Variants in SMS observed in about 807,000 individuals in gnomAD.
The protein encoded by SMS is spermidine aminopropyltransferase.
Under a neutral mutation model 33.0 loss-of-function variants are expected in SMS, and 3 were observed. The ratio of observed to expected loss-of-function variants is 0.09; its 90% confidence interval spans 0.04 to 0.23. SMS has a LOEUF of 0.23. SMS is among the 10% of genes least tolerant of loss of function. The probability of loss-of-function intolerance (pLI) is 1.00; values close to 1 mark genes in which losing one functional copy is unlikely to be tolerated. For synonymous variants in SMS, 103 were observed against 112.2 expected (o/e 0.92, Z 0.52); for missense variants, 117 against 288.6 (o/e 0.41, Z 4.31).
At chrX:21,945,473 G>A (rs1041084701) in intron 1 of SMS, among the ~76,000 whole-genome samples, 5 of 111,599 alleles carry the variant, frequency 4.5e-5, no homozygotes, top group Non-Finnish European at 5.7e-5. Context: ...CGGGCTTAGC[G>A]GAGAAGGTTT....
intron 9 of SMS, among the ~76,000 whole-genome samples, chrX:21,990,023 T>A (rs1312576449): frequency 8.9e-6 from 1 of 112,091 alleles, no homozygotes; most frequent in Non-Finnish European, 1.9e-5. Context: ...ATTATAGATG[T>A]GAGCCGCCAC....
Position 21,944,689 on chromosome X carries a change from AAAC to A in SMS, c.49+3819_49+3821del, listed in dbSNP as rs775672406. Reference sequence around the variant, plus strand: ...GTGGCGTGAAACTCTCTCAAAAACAAAACAAGGGCCAGGCGTAGTGGCTCATGC... The same window carrying A: ...GTGGCGTGAAACTCTCTCAAAAACAAAAGGGCCAGGCGTAGTGGCTCATGC... On this transcript the variant is annotated intron_variant, in intron 1 of 10. Transcript: ENST00000404933. 2.7e-3 allele frequency among the ~76,000 whole-genome samples: 300 copies of A among 109,591 alleles called. 1 individual carries two copies. The highest frequency in any genetic ancestry group is 9.8e-3 in the African/African-American group (294 of 30,058).
chrX:21,993,788 G>C (rs1925912169), intron 10 of SMS, among the ~76,000 whole-genome samples: 1 of 111,870 alleles, frequency 8.9e-6, no homozygotes. Context: ...TGCATGTTGG[G>C]AGATTTGAGA....
rs750017851 is a variant in SMS, at chrX:21,992,736, G to C, written c.1061+24G>C. ...TTGTATCCTTTGACCGTGACATTCT[G>C]TTGCCAGATCAAAGCACCCAAGTAA... On this transcript the variant is annotated intron_variant, in intron 10 of 10. Transcript: ENST00000404933. 4 of 951,747 alleles carry C rather than the reference G, an allele frequency of 4.2e-6. No individual in the cohort carries two copies. In the African/African-American group the frequency reaches 7.6e-5, roughly 18 times the overall value. 78.4% of individuals were successfully genotyped at this position (951,747 alleles called of 1,213,427 possible). A position where few individuals can be genotyped will look rare whatever the true frequency, so the allele number is the denominator to read the frequency against.
chrX:21,990,050 C>A (rs767899265), intron 9 of SMS, among the ~76,000 whole-genome samples: 2 of 112,065 alleles, frequency 1.8e-5, no homozygotes, highest in South Asian at 3.7e-4. Flanking sequence ...CCCCTTAAAC[C>A]TTTTCTAATA....
intron 1 of SMS, among the ~76,000 whole-genome samples, chrX:21,948,764 A>C (rs1922409607): frequency 9.0e-6 from 1 of 111,530 alleles, no homozygotes; most frequent in Non-Finnish European, 1.9e-5. Flanking sequence ...AACGTCAATA[A>C]AGTTCTTAGT....
At chrX:21,974,249 A>G (rs1924393946) in intron 4 of SMS, among the ~76,000 whole-genome samples, 1 of 112,567 alleles carries the variant, frequency 8.9e-6, no homozygotes, top group African/African-American at 3.2e-5. Context: ...ATGTAAGATA[A>G]CTAGGTAATT....
intron 1 of SMS, among the ~76,000 whole-genome samples, chrX:21,954,795 A>G (rs1180672046): frequency 1.8e-5 from 2 of 111,928 alleles, no homozygotes. Flanking sequence ...ATGCTATTTC[A>G]TTGTTGATAC....
intron 1 of SMS, among the ~76,000 whole-genome samples, chrX:21,943,631 G>A (rs2238957): frequency 0.1 from 11,091 of 109,203 alleles, 591 homozygotes; most frequent in South Asian, 0.2. Context: ...TATTACGTGT[G>A]TGTGGGGGGG....
intron 9 of SMS, among the ~76,000 whole-genome samples, chrX:21,991,692 A>T (rs936642421): frequency 3.6e-5 from 4 of 112,507 alleles, no homozygotes; most frequent in Non-Finnish European, 7.5e-5. Context: ...ATCCCCTATG[A>T]TATCATATGT....
rs779802327 is a variant in SMS, at chrX:21,978,575, AAAAC to A, written c.661-294_661-291del. On this transcript the variant is annotated intron_variant, in intron 6 of 10. Transcript: ENST00000404933. ...TGGGTGACAGTAAGACTCTGTCTCA[AAAAC>A]AAACAAATAATCTACCTAGTTGAGG... Among the ~76,000 whole-genome samples, 260 of 111,874 alleles carry A rather than the reference AAAAC, an allele frequency of 2.3e-3. 1 individual carries two copies. Among genetic ancestry groups the A allele is most frequent in the Non-Finnish European group, 4.1e-3 (216 of 53,156 alleles).
rs1189647658 is a variant in SMS, at chrX:21,940,762, C to T, written c.-63C>T. The T allele has an allele frequency of 4.3e-6, 4 of 937,932 alleles. No individual in the cohort carries two copies. The highest frequency in any genetic ancestry group is 2.9e-5 in the Admixed American group (1 of 34,994). The allele number at this position is 937,932 out of a possible 1,213,427, so 77.3% of individuals were successfully genotyped here. On this transcript the variant is annotated 5_prime_UTR_variant, in exon 1 of 11. Coordinates refer to ENST00000404933, the MANE Select transcript of SMS (RefSeq NM_004595.5). The stretch of plus-strand genomic sequence containing the variant: ...TCCCAGCCGGCCGCAGCCTGACACG[C>T]CGCGCGGCCCCCCAGTCTCCCGCGG...
At chrX:21,943,833 A>G (rs140196333) in intron 1 of SMS, among the ~76,000 whole-genome samples, 1 of 111,755 alleles carries the variant, frequency 8.9e-6, no homozygotes, top group Non-Finnish European at 1.9e-5. Flanking sequence ...CTTAGTTTTT[A>G]GTAAGGGGAA....
chrX:21,982,166 C>T (rs1007606601), intron 7 of SMS, among the ~76,000 whole-genome samples: 3 of 107,597 alleles, frequency 2.8e-5, no homozygotes, highest in Non-Finnish European at 3.8e-5. Flanking sequence ...ACCCCGTCTC[C>T]ACTAAAAAAA....
At chrX:21,944,539 A>AAAAAAAAAAG (rs776946474) in intron 1 of SMS, among the ~76,000 whole-genome samples, 127 of 81,242 alleles carry the variant, frequency 1.6e-3, no homozygotes, top group African/African-American at 5.6e-3. Context: ...AAAAAAAAAA[A>AAAAAAAAAAG]AAAAAAGAAA....
chrX:21,987,671 G>A (rs1925443571), intron 9 of SMS, among the ~76,000 whole-genome samples: 1 of 112,544 alleles, frequency 8.9e-6, no homozygotes, highest in African/African-American at 3.2e-5. Flanking sequence ...GAAATCTCAA[G>A]CAGCTTAAAT....
chrX:21,972,931 A>G (rs910320736), intron 4 of SMS, among the ~76,000 whole-genome samples: 3 of 108,414 alleles, frequency 2.8e-5, no homozygotes, highest in South Asian at 4.0e-4. Flanking sequence ...AAAAAAAAAA[A>G]AAAAAAAAAT....
rs368817765 is a variant in SMS at position 21,981,850 on chromosome X, G to T, written c.751-2454G>T. ...AGATAGGACACTCAAACTGTTAATG[G>T]TATTATAATGTTGTCATTACCAAGC... On this transcript the variant is annotated intron_variant, in intron 7 of 10. Transcript: ENST00000404933. Among the ~76,000 whole-genome samples, 4 of 110,613 alleles carry T rather than the reference G, an allele frequency of 3.6e-5. 1 individual carries two copies. The highest frequency in any genetic ancestry group is 1.3e-4 in the African/African-American group (4 of 30,564).
intron 2 of SMS, among the ~76,000 whole-genome samples, chrX:21,971,023 C>T (rs1924116949): frequency 9.2e-6 from 1 of 109,102 alleles, no homozygotes; most frequent in Non-Finnish European, 1.9e-5. Flanking sequence ...ATGGTGAAAC[C>T]CCGTCTCTAC....
Sources: gnomAD v4.1 joint callset for allele counts (sites outside exome capture counted in the v4.1 genomes callset) on GRCh38, gnomAD v4.1.1 for gene constraint, MANE v1.5 for transcripts, NCBI Gene and HGNC (gene_info 2026-07-23, HGNC 2026-07-21) for gene names.